The following LNX2 variants were observed in gnomAD, a reference collection of about 807,000 sequenced individuals.
The protein encoded by LNX2 is ligand of Numb protein X 2.
In LNX2, 35 loss-of-function variants were observed where a neutral mutation model predicts 66.2. The observed-to-expected ratio is 0.53, with a 90% confidence interval of 0.40 to 0.70. The LOEUF is 0.70. LNX2 is among the 30% of genes least tolerant of loss of function. The probability of loss-of-function intolerance (pLI) is 0.00; values close to 1 mark genes in which losing one functional copy is unlikely to be tolerated. For missense variants in LNX2, 791 were observed against 850.8 expected (o/e 0.93, Z 0.87); for synonymous variants, 337 against 315.6 (o/e 1.07, Z -0.72).
chr13:27,614,833 C>T (rs1300125240), intron 1 of LNX2, among the ~76,000 whole-genome samples: 2 of 151,958 alleles, frequency 1.3e-5, no homozygotes, highest in Non-Finnish European at 2.9e-5. Context: ...AAGGGGGTGG[C>T]AGGTATAAAT....
chr13:27,583,300 G>C (rs1302209707), intron 1 of LNX2, among the ~76,000 whole-genome samples: 1 of 149,878 alleles, frequency 6.7e-6, no homozygotes, highest in Non-Finnish European at 1.5e-5. Context: ...TCGATCTGTT[G>C]CCCGGCTGGA....
chr13:27,616,049 C>A (rs977020778), intron 1 of LNX2, among the ~76,000 whole-genome samples: 1 of 151,904 alleles, frequency 6.6e-6, no homozygotes, highest in African/African-American at 2.4e-5. Flanking sequence ...AGAACATGTG[C>A]CCAAGATGGT....
chr13:27,606,715 G>A (rs1955721409), intron 1 of LNX2, among the ~76,000 whole-genome samples: 1 of 152,068 alleles, frequency 6.6e-6, no homozygotes, highest in Non-Finnish European at 1.5e-5. Flanking sequence ...CAGGTAGCTG[G>A]GGTGAAGAGC....
rs1271472673 is a variant in LNX2 at position 27,546,056 on chromosome 13, A to G, written c.*2279T>C. 1.3e-5 allele frequency: 2 copies of G among 152,226 alleles called. No individual in the cohort carries two copies. The highest frequency in any genetic ancestry group is 3.8e-4 in the East Asian group (2 of 5,200). 9.4% of individuals were successfully genotyped at this position (152,226 alleles called of 1,614,324 possible). On this transcript the variant is annotated 3_prime_UTR_variant, in exon 10 of 10. Coordinates refer to ENST00000316334, the MANE Select transcript of LNX2 (RefSeq NM_153371.4). Reference sequence around the variant, plus strand: ...CAGAACTAAAAATGAGAAAATCCAAATAGTTCTATAGTAACAATAAATTAT... The same window carrying G: ...CAGAACTAAAAATGAGAAAATCCAAGTAGTTCTATAGTAACAATAAATTAT...
Position 27,564,300 on chromosome 13 carries a change from A to C in LNX2, c.856-1519T>G, listed in dbSNP as rs74040811. Among the ~76,000 whole-genome samples the C allele has an allele frequency of 3.3e-3, 505 of 152,312 alleles. 3 individuals carry two copies. Among genetic ancestry groups the C allele is most frequent in the African/African-American group, 0.012 (484 of 41,588 alleles). On this transcript the variant is annotated intron_variant, in intron 4 of 9. Coordinates refer to ENST00000316334, the MANE Select transcript of LNX2 (RefSeq NM_153371.4). ...TCAGAGAAAGCAGAAACCAAATAAA[A>C]TATTGTTTCTAGATTTTGTAAAAAT...
At chr13:27,576,423 A>C (rs1955340600) in intron 2 of LNX2, among the ~76,000 whole-genome samples, 1 of 152,174 alleles carries the variant, frequency 6.6e-6, no homozygotes. Context: ...GCCATTTTAA[A>C]AAAGGCCTCA....
rs777118533 is a variant in LNX2, at chr13:27,562,740, G to A, written c.897C>T (p.Ala299=). The A allele has an allele frequency of 7.4e-6, 12 of 1,613,856 alleles. No individual in the cohort carries two copies. Among genetic ancestry groups the A allele is most frequent in the Non-Finnish European group, 1.0e-5 (12 of 1,179,968 alleles). ...TGCAGGGCTGGGAAAGGACAGCTCG[G>A]GCATAGTTATGGGACACATTGCTGA... ...YNISNVSHNY[A]RAVLSQPCNT... Residue 299 remains alanine (A), a synonymous_variant, in exon 5 of 10, where the codon GCC becomes GCT. Coordinates refer to ENST00000316334, the MANE Select transcript of LNX2 (RefSeq NM_153371.4).
intron 1 of LNX2, among the ~76,000 whole-genome samples, chr13:27,583,859 G>T (rs926862396): frequency 1.3e-5 from 2 of 152,148 alleles, no homozygotes; most frequent in African/African-American, 4.8e-5. Flanking sequence ...ACGTGACTAT[G>T]GAGAGACATG....
chr13:27,602,537 G>GCATA (rs1555269825), intron 1 of LNX2, among the ~76,000 whole-genome samples: 3 of 151,426 alleles, frequency 2.0e-5, no homozygotes, highest in Non-Finnish European at 4.4e-5. Flanking sequence ...CTATGCTGTG[G>GCATA]TATATATCAG....
At chr13:27,559,746 G>T in intron 6 of LNX2, 96 bp downstream of exon 6, 2 of 1,215,702 alleles carry the variant, frequency 1.6e-6, no homozygotes, top group Non-Finnish European at 2.2e-6. Context: ...GCTTTATTGA[G>T]GTGTGACTGA....
At chr13:27,585,810 CCT>C (rs1848874493) in intron 1 of LNX2, among the ~76,000 whole-genome samples, 1 of 151,866 alleles carries the variant, frequency 6.6e-6, no homozygotes, top group Non-Finnish European at 1.5e-5. Flanking sequence ...ACAATTCTAG[CCT>C]CCCACATGAT....
At chr13:27,598,951 C>T (rs1955627473) in intron 1 of LNX2, among the ~76,000 whole-genome samples, 1 of 152,118 alleles carries the variant, frequency 6.6e-6, no homozygotes, top group Non-Finnish European at 1.5e-5. Flanking sequence ...GGCCAAAATG[C>T]TGGATGGACC....
At chr13:27,557,194 T>C (rs1955072082) in intron 6 of LNX2, among the ~76,000 whole-genome samples, 1 of 152,132 alleles carries the variant, frequency 6.6e-6, no homozygotes, top group Non-Finnish European at 1.5e-5. Flanking sequence ...GGGCTTAGCC[T>C]GTGAAAAGCT....
chr13:27,559,851 G>C lies in LNX2; in HGVS notation c.1359C>G (p.Ser453Arg), dbSNP rs776763008. The C allele has an allele frequency of 1.3e-6, 2 of 1,565,026 alleles. No individual in the cohort carries two copies. The highest frequency in any genetic ancestry group is 1.8e-5 in the Admixed American group (1 of 55,062). ...HTPPPYYSRP[S>R]SHKDLTQCVT... ...AAAAAAAAATCCTCACCTTATGTGA[G>C]CTTGGTCTGCTATAATACGGTGGTG... Residue 453 changes from serine to arginine, a missense_variant, in exon 6 of 10, where the codon AGC (serine) becomes AGG (arginine). Physicochemically the swap from Ser to Arg is moderately radical, Grantham distance 110. Coordinates refer to ENST00000316334, the MANE Select transcript of LNX2 (RefSeq NM_153371.4).
chr13:27,587,796 C>A (rs1327805782), intron 1 of LNX2, among the ~76,000 whole-genome samples: 1 of 152,030 alleles, frequency 6.6e-6, no homozygotes, highest in South Asian at 2.1e-4. Context: ...CCAAGGCGGG[C>A]AGATCACAAG....
rs1955023479 is a variant in LNX2 at position 27,553,113 on chromosome 13, T to C, written c.1778+95A>G. The C allele has an allele frequency of 3.9e-6, 4 of 1,027,646 alleles. No individual in the cohort carries two copies. In the South Asian group the frequency reaches 6.1e-5, roughly 16 times the overall value. 63.7% of individuals were successfully genotyped at this position (1,027,646 alleles called of 1,614,324 possible). A position where few individuals can be genotyped will look rare whatever the true frequency, so the allele number is the denominator to read the frequency against. On this transcript the variant is annotated intron_variant, in intron 8 of 9. Coordinates refer to ENST00000316334, the MANE Select transcript of LNX2 (RefSeq NM_153371.4). The stretch of plus-strand genomic sequence containing the variant: ...TATTTTACTGAATTAAAGCTTTTTT[T>C]TTTATCCCAACGAGTAAATTTATCA...
In LNX2 at chr13:27,561,789, T is replaced by C. The variant is rs2138339847; in HGVS notation, c.1224+624A>G. ...AGAAGTTGCTCATATCATTAAATGC[T>C]ATGGCATGTTGCAGAATGTATAGAT... On this transcript the variant is annotated intron_variant, in intron 5 of 9. Transcript: ENST00000316334. 2.0e-5 allele frequency among the ~76,000 whole-genome samples: 3 copies of C among 152,378 alleles called. No homozygotes were observed. In the Middle Eastern group the frequency reaches 0.01, roughly 518 times the overall value.
Position 27,567,651 on chromosome 13 carries a change from G to C in LNX2, c.844C>G (p.Gln282Glu). The C allele has an allele frequency of 6.2e-7, 1 of 1,613,544 alleles. No homozygotes were observed. The highest frequency in any genetic ancestry group is 8.5e-7 in the Non-Finnish European group (1 of 1,179,520). Residue 282 changes from glutamine (Q) to glutamate (E), a missense_variant, in exon 4 of 10, where the codon CAG (glutamine) becomes GAG (glutamate). Transcript: ENST00000316334. ...ARDGRLLAGD[Q>E]ILQVNNYNIS... is the part of the protein sequence containing the mutation. ...ATTAAAACTGATACCTGAAGAATCT[G>C]GTCTCCAGCAAGAAGTCTCCCGTCT...
intron 1 of LNX2, among the ~76,000 whole-genome samples, chr13:27,611,607 A>C (rs774031200): frequency 6.6e-6 from 1 of 152,250 alleles, no homozygotes; most frequent in South Asian, 2.1e-4. Flanking sequence ...AAAAAGCTGA[A>C]GCAATGTAAA....
Sources: gnomAD v4.1 joint callset for allele counts (sites outside exome capture counted in the v4.1 genomes callset) on GRCh38, gnomAD v4.1.1 for gene constraint, MANE v1.5 for transcripts, NCBI Gene and HGNC (gene_info 2026-07-23, HGNC 2026-07-21) for gene names.